Variants in FSIP2 observed in about 807,000 individuals in gnomAD.
FSIP2 encodes fibrous sheath interacting protein 2.
Under a neutral mutation model 510.5 loss-of-function variants are expected in FSIP2, and 367 were observed. The ratio of observed to expected loss-of-function variants is 0.72; its 90% CI spans 0.66 to 0.78. The LOEUF is 0.78. FSIP2 is among the 30% of genes least tolerant of loss of function. The probability of loss-of-function intolerance (pLI) is 0.00; values close to 1 mark genes in which losing one functional copy is unlikely to be tolerated. For missense variants in FSIP2, 7,594 were observed against 7,901.7 expected, an observed-to-expected ratio of 0.96 and a Z score of 1.48; for synonymous variants, 2,601 against 2,732.2, an observed-to-expected ratio of 0.95 and a Z score of 1.50.
At chr2:185,818,712 A>G in intron 19 of FSIP2, among the ~76,000 whole-genome samples, 1 of 151,918 alleles carries the variant, frequency 6.6e-6, no homozygotes, top group Non-Finnish European at 1.5e-5. Flanking sequence ...AGAATTCTAC[A>G]TCCAGCAAAA....
Position 185,807,855 on chromosome 2 carries a change from T to C in FSIP2, c.18549T>C (p.Ala6183=). Residue 6183 remains alanine, a synonymous_variant, in exon 17 of 23, where the codon GCT becomes GCC. Transcript: ENST00000424728. ...KLSYNIIEEI[A]VKFLSKLLSI... is the part of the protein sequence containing the mutation. ...CTTATAACATAATAGAAGAAATTGCTGTGAAATTTTTATCAAAGCTTTTAT... is the reference window on the plus strand; with the variant it reads ...CTTATAACATAATAGAAGAAATTGCCGTGAAATTTTTATCAAAGCTTTTAT... 1 of 1,610,214 alleles carries C rather than the reference T, an allele frequency of 6.2e-7. No individual in the cohort carries two copies. Among genetic ancestry groups the C allele is most frequent in the Non-Finnish European group, 8.5e-7 (1 of 1,178,542 alleles).
chr2:185,771,504 G>T (rs1001111642), intron 13 of FSIP2, among the ~76,000 whole-genome samples: 3 of 152,186 alleles, frequency 2.0e-5, no homozygotes, highest in African/African-American at 7.2e-5. Context: ...ATCCCAAATT[G>T]TACCTGGGCC....
intron 7 of FSIP2, among the ~76,000 whole-genome samples, chr2:185,751,921 A>G (rs920705223): frequency 2.0e-5 from 3 of 151,328 alleles, no homozygotes; most frequent in Non-Finnish European, 4.4e-5. Context: ...CATACACGTA[A>G]TAATTCCCAC....
chr2:185,762,083 AT>A, intron 11 of FSIP2, 66 bp downstream of exon 11: 2 of 756,076 alleles, frequency 2.6e-6, no homozygotes, highest in Non-Finnish European at 4.2e-6. Context: ...TTTATTATAT[AT>A]TTTAAGTTGT....
chr2:185,775,468 C>T (rs1011953456), intron 13 of FSIP2, among the ~76,000 whole-genome samples: 3 of 151,496 alleles, frequency 2.0e-5, no homozygotes, highest in Admixed American at 6.6e-5. Context: ...ATTGTAGATT[C>T]TGGATATTAG....
At chr2:185,763,130 T>G in intron 11 of FSIP2, 53 bp from the exon 12 acceptor site, 1 of 795,206 alleles carries the variant, frequency 1.3e-6, no homozygotes. Context: ...ATATTAACCC[T>G]TGTCCCAGCA....
At position 185,806,958 on chromosome 2, in the gene FSIP2, A is replaced by G. The variant is rs1384857990; in HGVS notation, c.17652A>G (p.Ile5884Met). The G allele has an allele frequency of 6.2e-7, 1 of 1,611,300 alleles. No homozygotes were observed. The highest frequency in any genetic ancestry group is 1.3e-5 in the African/African-American group (1 of 74,764). ...ATGAAGCACCATCCAGCATTAAGAT[A>G]AAATCTGCAGATAAAATGCCACCTA... Reference protein sequence around the residue: ...TTDEAPSSIKIKSADKMPPMH... With the variant: ...TTDEAPSSIKMKSADKMPPMH... The change falls in exon 17 of 23, where the codon ATA becomes ATG. Residue 5884 changes from isoleucine to methionine, a missense_variant. Coordinates refer to ENST00000424728, the MANE Select transcript of FSIP2 (RefSeq NM_173651.4).
In FSIP2 at chr2:185,804,937, G is replaced by C; in HGVS notation, c.15631G>C (p.Asp5211His). Residue 5211 changes from aspartate (D) to histidine (H), a missense_variant, in exon 17 of 23, where the codon GAT becomes CAT. Asp to His is a moderately conservative substitution (Grantham distance 81). Transcript: ENST00000424728. ...TGAATTCCAAGCTGAAGTACAAAAA[G>C]ATGCAGACAAAAAAGGATGCTCATT... Reference protein sequence around the residue: ...TSEFQAEVQKDADKKGCSFLS... With the variant: ...TSEFQAEVQKHADKKGCSFLS... 2 of 1,528,288 alleles carry C rather than the reference G, an allele frequency of 1.3e-6. No homozygotes were observed. Among genetic ancestry groups the C allele is most frequent in the Non-Finnish European group, 1.7e-6 (2 of 1,144,114 alleles). The allele number at this position is 1,528,288 out of a possible 1,614,324, so 94.7% of individuals were successfully genotyped here.
intron 17 of FSIP2, among the ~76,000 whole-genome samples, chr2:185,812,203 C>A (rs1006746977): frequency 2.0e-5 from 3 of 152,242 alleles, no homozygotes; most frequent in Middle Eastern, 3.4e-3. Flanking sequence ...AGGGGCAGGA[C>A]TGCCCAAGGC....
rs1369074661 is a variant in FSIP2, at chr2:185,805,095, TAAAGA to T, written c.15795_15799del (p.Glu5265AspfsTer17). On this transcript the variant is annotated frameshift_variant, in exon 17 of 23. Transcript: ENST00000424728. LOFTEE classifies it high-confidence loss of function. ...ATGTCTCTGAACTTGCTAAATCTGG[TAAAGA>T]AAAGACACAGCCTTCTCTCTATTCA... is the stretch of plus-strand genomic sequence containing the variant. The T allele has an allele frequency of 6.2e-7, 1 of 1,606,026 alleles. No homozygotes were observed.
chr2:185,798,106 G>T (rs192036802), intron 16 of FSIP2, among the ~76,000 whole-genome samples: 1 of 151,994 alleles, frequency 6.6e-6, no homozygotes. Flanking sequence ...GAGAGAAAAT[G>T]AGGCCATTTT....
chr2:185,801,616 T>G lies in FSIP2; in HGVS notation c.12310T>G (p.Ser4104Ala). The G allele has an allele frequency of 6.5e-7, 1 of 1,532,790 alleles. No individual in the cohort carries two copies. The highest frequency in any genetic ancestry group is 1.2e-5 in the South Asian group (1 of 83,660). 94.9% of individuals were successfully genotyped at this position (1,532,790 alleles called of 1,614,324 possible). A position where few individuals can be genotyped will look rare whatever the true frequency, so the allele number is the denominator to read the frequency against. Residue 4104 changes from serine (S) to alanine (A), a missense_variant, in exon 17 of 23, where the codon TCA becomes GCA. Ser to Ala is a moderately conservative substitution (Grantham distance 99). Coordinates refer to ENST00000424728, the MANE Select transcript of FSIP2 (RefSeq NM_173651.4). ...CTTCAAGGAACATCTCATACCCCAT[T>G]CATATTACCCTCTCAAACCTGAAAT... ...SCFKEHLIPH[S>A]YYPLKPEIIL...
At position 185,781,745 on chromosome 2, in the gene FSIP2, T is replaced by A. The variant is rs770279002; in HGVS notation, c.1412-960T>A. ...CTCTATACTGAATGCTAGGCAAAAT[T>A]AAAAATATTTGTTTAGCATATTGCT... is the stretch of plus-strand genomic sequence containing the variant. On this transcript the variant is annotated intron_variant, in intron 13 of 22. Transcript: ENST00000424728. 2.6e-5 allele frequency among the ~76,000 whole-genome samples: 4 copies of A among 152,360 alleles called. No homozygotes were observed. The South Asian group carries it at 6.2e-4, about 24-fold the overall frequency.
At chr2:185,754,421 C>A (rs1692203266) in intron 8 of FSIP2, among the ~76,000 whole-genome samples, 1 of 151,348 alleles carries the variant, frequency 6.6e-6, no homozygotes. Flanking sequence ...CTGTGTAGTA[C>A]CAGGAAAGAA....
chr2:185,783,559 T>G (rs1203178584), intron 14 of FSIP2: 1 of 152,116 alleles, frequency 6.6e-6, no homozygotes, highest in Non-Finnish European at 1.5e-5. Flanking sequence ...AAATAATAAT[T>G]TTTACTTTAA....
intron 3 of FSIP2, 42 bp downstream of exon 3, chr2:185,743,336 T>G: frequency 7.4e-7 from 1 of 1,348,632 alleles, no homozygotes; most frequent in Non-Finnish European, 9.8e-7. Context: ...ATGAAACCCT[T>G]TAAAACTTGA....
intron 19 of FSIP2, among the ~76,000 whole-genome samples, chr2:185,823,500 C>T (rs142225390): frequency 6.6e-6 from 1 of 151,176 alleles, no homozygotes; most frequent in East Asian, 2.0e-4. Flanking sequence ...AAATCACAAT[C>T]ACAAGATGCC....
rs1407819152 is a variant in FSIP2, at chr2:185,789,163, G to A, written c.2027G>A (p.Cys676Tyr). 1.3e-6 allele frequency: 2 copies of A among 1,534,824 alleles called. No individual in the cohort carries two copies. The highest frequency in any genetic ancestry group is 3.9e-5 in the Admixed American group (2 of 50,888). Residue 676 changes from cysteine (C) to tyrosine (Y), a missense_variant, in exon 16 of 23, where the codon TGT becomes TAT. Physicochemically the swap from Cys to Tyr is radical, Grantham distance 194. Coordinates refer to ENST00000424728, the MANE Select transcript of FSIP2 (RefSeq NM_173651.4). ...ETDSLGSSLHCDKTAKAMDEM... is the reference protein window; with the variant it reads ...ETDSLGSSLHYDKTAKAMDEM... ...GATAGCTTAGGGAGTTCATTGCATT[G>A]TGATAAAACAGCAAAAGCCATGGAT...
At position 185,792,257 on chromosome 2, in the gene FSIP2, T is replaced by A; in HGVS notation, c.5121T>A (p.Thr1707=). The A allele has an allele frequency of 6.5e-7, 1 of 1,533,324 alleles. No homozygotes were observed. Among genetic ancestry groups the A allele is most frequent in the Middle Eastern group, 1.7e-4 (1 of 5,968 alleles). 95.0% of individuals were successfully genotyped at this position (1,533,324 alleles called of 1,614,324 possible). The change falls in exon 16 of 23, where the codon ACT becomes ACA. Residue 1707 remains threonine (T), a synonymous_variant. Transcript: ENST00000424728. ...EMESEGGGIE[T]YRYRPTYGSL... is the part of the protein sequence containing the mutation. ...AATCTGAAGGGGGAGGCATTGAAAC[T>A]TATCGATACAGGCCAACATATGGAA...
Sources: allele counts gnomAD v4.1 joint callset (sites outside exome capture counted in the v4.1 genomes callset), GRCh38; gene constraint gnomAD v4.1.1; transcripts MANE v1.5; gene names NCBI Gene and HGNC (gene_info 2026-07-23, HGNC 2026-07-21).